USP6NL: variants seen among roughly 807,000 people sequenced by gnomAD.
USP6NL encodes USP6 N-terminal-like protein.
Under a neutral mutation model 61.9 loss-of-function variants are expected in USP6NL, and 26 were observed. That is an observed-to-expected ratio of 0.42 (90% confidence interval 0.31 to 0.58). The LOEUF (loss-of-function observed/expected upper bound fraction) is 0.58. Ranked by LOEUF, USP6NL falls within the 20% of genes least tolerant of loss-of-function variation. The probability of loss-of-function intolerance (pLI) is 0.16; values close to 1 mark genes in which losing one functional copy is unlikely to be tolerated. For missense variants in USP6NL, 1,114 were observed against 1,034.3 expected, an observed-to-expected ratio of 1.08 and a Z score of -1.06; for synonymous variants, 432 against 390.1, an observed-to-expected ratio of 1.11 and a Z score of -1.27.
Position 11,463,618 on chromosome 10 carries a change from T to A in USP6NL, c.1310A>T (p.Glu437Val). 1.2e-6 allele frequency: 2 copies of A among 1,613,974 alleles called. No individual in the cohort carries two copies. Among genetic ancestry groups the A allele is most frequent in the South Asian group, 1.1e-5 (1 of 91,084 alleles). The change falls in exon 15 of 15, where the codon GAG becomes GTG. Residue 437 changes from glutamate (E) to valine (V), a missense_variant. Physicochemically the swap from Glu to Val is moderately radical, Grantham distance 121 (BLOSUM62 -2). Coordinates refer to ENST00000609104, the MANE Select transcript of USP6NL (RefSeq NM_014688.5). The surrounding 1 kb of genome is among the most constrained non-coding windows in gnomAD (Gnocchi z 6.3). ...RAQPPRRKSV[E>V]EESKKLKDEA... ...ATCTTTAAGCTTTTTGCTCTCCTCC[T>A]CCACCGATTTCCGTCTTGGCGGCTG...
intron 3 of USP6NL, 116 bp downstream of exon 3, chr10:11,527,384 C>A: frequency 1.2e-6 from 1 of 823,482 alleles, no homozygotes; most frequent in South Asian, 1.6e-5. Context: ...TCTCTATGTC[C>A]CCATGAAGTT....
In USP6NL at chr10:11,474,943, G is replaced by C. The variant is rs965591865; in HGVS notation, c.1078+6827C>G. Reference sequence around the variant, plus strand: ...GTGTGGATGTTCTCCCGTAAGCACTGAAGTACCCCGAAGGCTATGGCCATT... The same window carrying C: ...GTGTGGATGTTCTCCCGTAAGCACTCAAGTACCCCGAAGGCTATGGCCATT... On this transcript the variant is annotated intron_variant, in intron 14 of 14. Coordinates refer to ENST00000609104, the MANE Select transcript of USP6NL (RefSeq NM_014688.5). This position sits in a 1 kb window ranked among gnomAD's most constrained non-coding sequence, Gnocchi z 4.9. 6.6e-6 allele frequency among the ~76,000 whole-genome samples: 1 copy of C among 152,208 alleles called. No homozygotes were observed. The highest frequency in any genetic ancestry group is 2.4e-5 in the African/African-American group (1 of 41,454).
rs1242331831 is a variant in USP6NL at position 11,476,863 on chromosome 10, G to A, written c.1078+4907C>T. ...TATGAAATAAATAAATCAAGCATTT[G>A]ACTTTTTTTATTATTATTATTTTTT... On this transcript the variant is annotated intron_variant, in intron 14 of 14. Transcript: ENST00000609104. The surrounding 1 kb of genome is among the most constrained non-coding windows in gnomAD (Gnocchi z 4.3). Among the ~76,000 whole-genome samples the A allele has an allele frequency of 6.6e-6, 1 of 151,694 alleles. No individual in the cohort carries two copies. Among genetic ancestry groups the A allele is most frequent in the East Asian group, 1.9e-4 (1 of 5,170 alleles).
chr10:11,576,762 T>G (rs1017682598), intron 2 of USP6NL, among the ~76,000 whole-genome samples: 7 of 152,214 alleles, frequency 4.6e-5, no homozygotes, highest in African/African-American at 1.7e-4. Context: ...AACTTCATAA[T>G]AAGTCCTGAT....
Position 11,597,549 on chromosome 10 carries a change from C to T in USP6NL, c.4+82G>A. 2 of 1,386,918 alleles carry T rather than the reference C, an allele frequency of 1.4e-6. No homozygotes were observed. Among genetic ancestry groups the T allele is most frequent in the African/African-American group, 1.4e-5 (1 of 69,642 alleles). 85.9% of individuals were successfully genotyped at this position (1,386,918 alleles called of 1,614,324 possible). Reference sequence around the variant, plus strand: ...ATAAGTGACATAATTCCAATTTATTCAGTAACATGTTTTTCTTCTCCTAAG... The same window carrying T: ...ATAAGTGACATAATTCCAATTTATTTAGTAACATGTTTTTCTTCTCCTAAG... On this transcript the variant is annotated intron_variant, in intron 2 of 14. Transcript: ENST00000609104. This position sits in a 1 kb window ranked among gnomAD's most constrained non-coding sequence, Gnocchi z 4.6.
chr10:11,588,100 C>G (rs1838038005), intron 2 of USP6NL, among the ~76,000 whole-genome samples: 1 of 152,240 alleles, frequency 6.6e-6, no homozygotes, highest in Non-Finnish European at 1.5e-5. Flanking sequence ...CATCATCCAT[C>G]ATCTGAGGAA....
chr10:11,604,692 T>G (rs1838652458), intron 1 of USP6NL, among the ~76,000 whole-genome samples: 1 of 152,164 alleles, frequency 6.6e-6, no homozygotes, highest in African/African-American at 2.4e-5. Context: ...CAAAGAACAA[T>G]TTCTAAAAAA....
At chr10:11,606,899 T>C (rs866464946) in intron 1 of USP6NL, among the ~76,000 whole-genome samples, 12 of 152,094 alleles carry the variant, frequency 7.9e-5, no homozygotes, top group South Asian at 6.2e-4. Context: ...CAAGTGATTG[T>C]TGTGCCTCAG....
At chr10:11,582,140 A>AT (rs1030810083) in intron 2 of USP6NL, among the ~76,000 whole-genome samples, 1 of 152,134 alleles carries the variant, frequency 6.6e-6, no homozygotes, top group Non-Finnish European at 1.5e-5. Flanking sequence ...AACTTTTTGT[A>AT]TTTTTAGTAG....
At chr10:11,538,618 C>T (rs1835931344) in intron 2 of USP6NL, among the ~76,000 whole-genome samples, 1 of 152,202 alleles carries the variant, frequency 6.6e-6, no homozygotes, top group African/African-American at 2.4e-5. Context: ...ATCAGACTCA[C>T]AAGCTAATTT....
In USP6NL at chr10:11,592,761, T is replaced by C. The variant is rs1395969676; in HGVS notation, c.4+4870A>G. Among the ~76,000 whole-genome samples, 4 of 152,234 alleles carry C rather than the reference T, an allele frequency of 2.6e-5. No homozygotes were observed. Reference sequence around the variant, plus strand: ...GCCAGTACTTATGGGAAGTCTTCTGTTACTTGGAGCACAACTTTTTTACTT... The same window carrying C: ...GCCAGTACTTATGGGAAGTCTTCTGCTACTTGGAGCACAACTTTTTTACTT... On this transcript the variant is annotated intron_variant, in intron 2 of 14. Transcript: ENST00000609104. This position sits in a 1 kb window ranked among gnomAD's most constrained non-coding sequence, Gnocchi z 4.7.
chr10:11,541,201 T>C (rs772222613), intron 2 of USP6NL, among the ~76,000 whole-genome samples: 5 of 132,992 alleles, frequency 3.8e-5, no homozygotes, highest in Non-Finnish European at 6.3e-5. Flanking sequence ...TAAGTAAGAT[T>C]TATTTTATAT....
At chr10:11,497,842 C>T (rs1018687526) in intron 7 of USP6NL, among the ~76,000 whole-genome samples, 4 of 152,012 alleles carry the variant, frequency 2.6e-5, no homozygotes, top group Admixed American at 6.5e-5. Context: ...GATCCATGAG[C>T]GTCACAGTAA....
rs553487246 is a variant in USP6NL at position 11,524,579 on chromosome 10, G to A, written c.155+807C>T. The stretch of plus-strand genomic sequence containing the variant: ...GAAAAAAAGAAAAGGAGAAAATAAG[G>A]TCAGAGGACTGTACATTACTGTGAA... On this transcript the variant is annotated intron_variant, in intron 4 of 14. Coordinates refer to ENST00000609104, the MANE Select transcript of USP6NL (RefSeq NM_014688.5). 3.9e-5 allele frequency among the ~76,000 whole-genome samples: 6 copies of A among 152,214 alleles called. No homozygotes were observed. The South Asian group carries it at 1.2e-3, about 32-fold the overall frequency.
rs1051212942 is a variant in USP6NL at position 11,491,807 on chromosome 10, T to C, written c.495-927A>G. Among the ~76,000 whole-genome samples the C allele has an allele frequency of 1.3e-5, 2 of 152,142 alleles. No homozygotes were observed. The highest frequency in any genetic ancestry group is 4.8e-5 in the African/African-American group (2 of 41,412). On this transcript the variant is annotated intron_variant, in intron 8 of 14. Coordinates refer to ENST00000609104, the MANE Select transcript of USP6NL (RefSeq NM_014688.5). The surrounding 1 kb of genome is among the most constrained non-coding windows in gnomAD (Gnocchi z 4.7). ...GGAAGAAAGGTTTGAGTTATCCCTCTAGGTAAAGAACCACAACCATCTGAG... is the reference window on the plus strand; with the variant it reads ...GGAAGAAAGGTTTGAGTTATCCCTCCAGGTAAAGAACCACAACCATCTGAG...
intron 13 of USP6NL, 57 bp downstream of exon 13, chr10:11,484,914 A>C: frequency 1.5e-6 from 2 of 1,331,424 alleles, no homozygotes; most frequent in Non-Finnish European, 2.0e-6. Flanking sequence ...ATGAGAAATC[A>C]AGGTTAAATA....
Position 11,463,702 on chromosome 10 carries a change from T to C in USP6NL, c.1226A>G (p.His409Arg), listed in dbSNP as rs749370399. ...GTGCGGGGAGTGCTCGTGCCTCCTG[T>C]GGGGCGCCCCGCTCTCCCTCCTGCC... The part of the protein sequence containing the change: ...ASGRRESGAP[H>R]RRHEHSPHPQ... Residue 409 changes from histidine to arginine, a missense_variant, in exon 15 of 15, where the codon CAC becomes CGC. His to Arg is a conservative substitution (Grantham distance 29, BLOSUM62 0). Transcript: ENST00000609104. This position sits in a 1 kb window ranked among gnomAD's most constrained non-coding sequence, Gnocchi z 6.3. 1 of 1,612,600 alleles carries C rather than the reference T, an allele frequency of 6.2e-7. No individual in the cohort carries two copies. The highest frequency in any genetic ancestry group is 8.5e-7 in the Non-Finnish European group (1 of 1,179,194).
chr10:11,489,142 G>T lies in USP6NL; in HGVS notation c.624C>A (p.Ala208=). Residue 208 remains alanine, a synonymous_variant, in exon 10 of 15, where the codon GCC becomes GCA. Coordinates refer to ENST00000609104, the MANE Select transcript of USP6NL (RefSeq NM_014688.5). This position sits in a 1 kb window ranked among gnomAD's most constrained non-coding sequence, Gnocchi z 5.7. ...MYMNEEDAFW[A]LVKLFSGPKH... ...TAGGGCCTGAGAAGAGTTTGACCAG[G>T]GCCCAGAAGGCATCTTCCTCGTTCA... 1 of 1,613,894 alleles carries T rather than the reference G, an allele frequency of 6.2e-7. No homozygotes were observed. The highest frequency in any genetic ancestry group is 1.1e-5 in the South Asian group (1 of 91,064).
chr10:11,559,896 A>G (rs913602569), intron 2 of USP6NL, among the ~76,000 whole-genome samples: 12 of 152,170 alleles, frequency 7.9e-5, no homozygotes, highest in Non-Finnish European at 1.5e-4. Context: ...CCACCACACC[A>G]TATAAGTCTG....
Sources: allele counts gnomAD v4.1 joint callset (sites outside exome capture counted in the v4.1 genomes callset), GRCh38; gene constraint gnomAD v4.1.1; non-coding constraint Gnocchi (gnomAD v3.1); transcripts MANE v1.5; gene names NCBI Gene and HGNC (gene_info 2026-07-23, HGNC 2026-07-21).